Variants in MARCHF3 observed in about 807,000 individuals in gnomAD.
The protein encoded by MARCHF3 is E3 ubiquitin-protein ligase MARCHF3.
MARCHF3 carries 13 observed loss-of-function variants against 24.2 expected under a neutral mutation model. That is an observed-to-expected ratio of 0.54 (90% CI 0.35 to 0.85). The LOEUF is 0.85. MARCHF3 is among the 40% of genes least tolerant of loss of function. The probability of loss-of-function intolerance (pLI) is 0.01; values close to 1 mark genes in which losing one functional copy is unlikely to be tolerated. For synonymous variants in MARCHF3, 144 were observed against 137.3 expected (o/e 1.05, Z -0.34); for missense variants, 276 against 325.0 (o/e 0.85, Z 1.16).
At chr5:126,998,151 C>T (rs1752006941) in intron 1 of MARCHF3, among the ~76,000 whole-genome samples, 1 of 152,064 alleles carries the variant, frequency 6.6e-6, no homozygotes, top group Non-Finnish European at 1.5e-5. Flanking sequence ...TTTATTTTGT[C>T]ACAAGTAAAT....
At chr5:126,964,849 G>T (rs759646205) in intron 1 of MARCHF3, among the ~76,000 whole-genome samples, 2 of 152,096 alleles carry the variant, frequency 1.3e-5, no homozygotes, top group Non-Finnish European at 2.9e-5. Context: ...AGGCATCTGG[G>T]CAAGTGAGCA....
At chr5:126,911,488 C>T (rs192076410) in intron 3 of MARCHF3, among the ~76,000 whole-genome samples, 10 of 152,224 alleles carry the variant, frequency 6.6e-5, no homozygotes, top group African/African-American at 1.7e-4. Context: ...CAGGTTCCCC[C>T]GATAATCTAC....
intron 1 of MARCHF3, among the ~76,000 whole-genome samples, chr5:127,002,504 T>C (rs1752161812): frequency 6.6e-6 from 1 of 152,188 alleles, no homozygotes; most frequent in African/African-American, 2.4e-5. Context: ...AGGGAAGGGA[T>C]GGGCACAGAG....
intron 1 of MARCHF3, among the ~76,000 whole-genome samples, chr5:126,976,643 G>T (rs1751209624): frequency 6.6e-6 from 1 of 152,218 alleles, no homozygotes; most frequent in South Asian, 2.1e-4. Context: ...CCCAGCTGAG[G>T]TCACCATGGC....
intron 1 of MARCHF3, among the ~76,000 whole-genome samples, chr5:126,948,395 T>A (rs1750100772): frequency 6.6e-6 from 1 of 152,224 alleles, no homozygotes; most frequent in Non-Finnish European, 1.5e-5. Flanking sequence ...AAACTCGTGT[T>A]ATTCAAGGGT....
At chr5:126,961,014 C>T (rs552705174) in intron 1 of MARCHF3, among the ~76,000 whole-genome samples, 1 of 152,228 alleles carries the variant, frequency 6.6e-6, no homozygotes, top group African/African-American at 2.4e-5. Context: ...ATTCAGGTAA[C>T]TCCATGCTTC....
intron 1 of MARCHF3, among the ~76,000 whole-genome samples, chr5:126,996,905 G>A (rs930638924): frequency 6.6e-5 from 10 of 152,036 alleles, no homozygotes; most frequent in African/African-American, 1.7e-4. Flanking sequence ...ATTTATGTTC[G>A]CATATATATA....
intron 3 of MARCHF3, 114 bp downstream of exon 3, chr5:126,914,816 A>ACT: frequency 1.1e-6 from 1 of 920,488 alleles, no homozygotes; most frequent in Non-Finnish European, 1.7e-6. Flanking sequence ...ACACACAGTC[A>ACT]CATAGCTATT....
intron 3 of MARCHF3, among the ~76,000 whole-genome samples, chr5:126,899,897 T>A (rs1009015976): frequency 6.6e-6 from 1 of 152,108 alleles, no homozygotes; most frequent in Admixed American, 6.6e-5. Flanking sequence ...CATGTGTCAC[T>A]AGTGATGAAC....
At chr5:126,957,179 T>G (rs535313848) in intron 1 of MARCHF3, among the ~76,000 whole-genome samples, 2 of 152,360 alleles carry the variant, frequency 1.3e-5, no homozygotes, top group African/African-American at 4.8e-5. Flanking sequence ...TTTAGTCTTT[T>G]TTATTTGTCT....
intron 1 of MARCHF3, among the ~76,000 whole-genome samples, chr5:126,938,165 CTTTTTTTTTT>C (rs527628656): frequency 8.1e-6 from 1 of 122,916 alleles, no homozygotes; most frequent in Non-Finnish European, 1.7e-5. Context: ...TGATCTGATT[CTTTTTTTTTT>C]TTTTTTTTTT....
At chr5:126,907,963 T>G (rs1467059912) in intron 3 of MARCHF3, among the ~76,000 whole-genome samples, 1 of 152,202 alleles carries the variant, frequency 6.6e-6, no homozygotes, top group African/African-American at 2.4e-5. Context: ...TGGTACCGGT[T>G]GTTCCTTTCC....
chr5:126,881,508 T>A (rs894631761), intron 3 of MARCHF3, among the ~76,000 whole-genome samples: 1 of 151,946 alleles, frequency 6.6e-6, no homozygotes, highest in Non-Finnish European at 1.5e-5. Context: ...CAGCTTATAT[T>A]CCTAGCAATA....
At chr5:126,874,586 CA>C (rs55934327) in intron 4 of MARCHF3, among the ~76,000 whole-genome samples, 10,779 of 85,548 alleles carry the variant, frequency 0.13, 808 homozygotes, top group African/African-American at 0.27. Context: ...AACTCCCTCT[CA>C]AAAAAAAAAA....
chr5:126,978,344 G>A (rs951784741), intron 1 of MARCHF3, among the ~76,000 whole-genome samples: 1 of 152,154 alleles, frequency 6.6e-6, no homozygotes, highest in African/African-American at 2.4e-5. Flanking sequence ...GTCCCATGCA[G>A]AATTAGTTCT....
intron 3 of MARCHF3, among the ~76,000 whole-genome samples, chr5:126,904,659 T>C (rs1315289355): frequency 1.3e-5 from 2 of 149,092 alleles, no homozygotes; most frequent in Non-Finnish European, 3.0e-5. Context: ...TTTGATGGGG[T>C]TGTTTGTTTT....
chr5:126,945,477 C>A (rs192097284), intron 1 of MARCHF3, among the ~76,000 whole-genome samples: 2 of 152,244 alleles, frequency 1.3e-5, no homozygotes, highest in African/African-American at 4.8e-5. Flanking sequence ...ATGGCAGGAG[C>A]CAGCCAGGCA....
At chr5:126,974,850 A>G (rs1751142032) in intron 1 of MARCHF3, among the ~76,000 whole-genome samples, 1 of 152,266 alleles carries the variant, frequency 6.6e-6, no homozygotes, top group East Asian at 1.9e-4. Context: ...TCTGTGACTT[A>G]AAAGTCTTAA....
intron 3 of MARCHF3, among the ~76,000 whole-genome samples, chr5:126,885,645 T>C (rs1753489918): frequency 6.6e-6 from 1 of 152,196 alleles, no homozygotes; most frequent in Admixed American, 6.5e-5. Context: ...GAGATGCCAC[T>C]AGGTCTGACC....
Sources: allele counts gnomAD v4.1 joint callset (sites outside exome capture counted in the v4.1 genomes callset), GRCh38; gene constraint gnomAD v4.1.1; transcripts MANE v1.5; gene names NCBI Gene and HGNC (gene_info 2026-07-23, HGNC 2026-07-21).